FAR1: variants seen among roughly 807,000 people sequenced by gnomAD.
The protein encoded by FAR1 is male sterility domain-containing protein 2.
A neutral mutation model predicts 61.1 loss-of-function variants in FAR1; 22 were observed. That is an observed-to-expected ratio of 0.36 (90% CI 0.26 to 0.51). The LOEUF (loss-of-function observed/expected upper bound fraction) is 0.51. Among genes scored for constraint, FAR1 ranks in the 20% least tolerant of loss-of-function variants. FAR1 has a pLI of 0.95. For missense variants in FAR1, 359 were observed against 626.9 expected, an observed-to-expected ratio of 0.57 and a Z score of 4.56; for synonymous variants, 206 against 209.7, an observed-to-expected ratio of 0.98 and a Z score of 0.15.
intron 9 of FAR1, among the ~76,000 whole-genome samples, chr11:13,719,234 AG>A (rs1848584396): frequency 6.6e-6 from 1 of 152,166 alleles, no homozygotes; most frequent in African/African-American, 2.4e-5. Flanking sequence ...TTCTTAACTG[AG>A]GTTTGTGCTG....
intron 1 of FAR1, among the ~76,000 whole-genome samples, chr11:13,677,668 CAG>C (rs1848081547): frequency 1.3e-5 from 2 of 152,168 alleles, no homozygotes; most frequent in Non-Finnish European, 2.9e-5. Flanking sequence ...ACATCATAGC[CAG>C]AGTGAGGACC....
chr11:13,718,560 G>T (rs924702887), intron 9 of FAR1, among the ~76,000 whole-genome samples: 3 of 152,092 alleles, frequency 2.0e-5, no homozygotes, highest in Non-Finnish European at 4.4e-5. Flanking sequence ...TTTACCACTT[G>T]ACCCTGAAGC....
chr11:13,687,741 T>G (rs1358461061), intron 1 of FAR1, among the ~76,000 whole-genome samples: 1 of 152,140 alleles, frequency 6.6e-6, no homozygotes, highest in Non-Finnish European at 1.5e-5. Context: ...TATTTAGTGC[T>G]TGTCATATAC....
intron 1 of FAR1, among the ~76,000 whole-genome samples, chr11:13,683,414 C>T (rs1001292691): frequency 6.6e-6 from 1 of 151,882 alleles, no homozygotes; most frequent in Non-Finnish European, 1.5e-5. Flanking sequence ...GACAAAGCAG[C>T]ATTGGATATG....
chr11:13,695,079 ACTTAGT>A, intron 2 of FAR1, 125 bp downstream of exon 2: 1 of 766,690 alleles, frequency 1.3e-6, no homozygotes, highest in Non-Finnish European at 1.9e-6. Flanking sequence ...AAACAAAAAA[ACTTAGT>A]AAGTTCCTAC....
chr11:13,699,722 T>C lies in FAR1; in HGVS notation c.190-595T>C, dbSNP rs554150242. 2.6e-5 allele frequency among the ~76,000 whole-genome samples: 4 copies of C among 152,366 alleles called. No individual in the cohort carries two copies. The East Asian group carries it at 5.8e-4, about 22-fold the overall frequency. ...TTGGGTACACTTAAAGAATGTTTAA[T>C]GTTCAGCTTAAATCCTATATATGTA... is the stretch of plus-strand genomic sequence containing the variant. On this transcript the variant is annotated intron_variant, in intron 2 of 11. Transcript: ENST00000354817.
At chr11:13,725,846 G>C (rs140674059) in intron 10 of FAR1, among the ~76,000 whole-genome samples, 2 of 151,344 alleles carry the variant, frequency 1.3e-5, no homozygotes, top group African/African-American at 4.8e-5. Context: ...TAACCCCTAT[G>C]TAATTCCTAT....
rs772250707 is a variant in FAR1 at position 13,690,986 on chromosome 11, A to G, written c.-7-3773A>G. On this transcript the variant is annotated intron_variant, in intron 1 of 11. Transcript: ENST00000354817. ...AATAATTTATTGAGATGAGATTCAC[A>G]TAATATAAAATAACCATTTGTGTCT... 1.5e-4 allele frequency among the ~76,000 whole-genome samples: 23 copies of G among 152,354 alleles called. No individual in the cohort carries two copies. In the South Asian group the frequency reaches 3.5e-3, roughly 23 times the overall value.
In FAR1 at chr11:13,721,757, C is replaced by T. The variant is rs768821829; in HGVS notation, c.1155C>T (p.His385=). 1.2e-6 allele frequency: 2 copies of T among 1,610,764 alleles called. No homozygotes were observed. The highest frequency in any genetic ancestry group is 1.7e-6 in the Non-Finnish European group (2 of 1,178,506). The change falls in exon 10 of 12, where the codon CAC becomes CAT. Residue 385 remains histidine (H), a synonymous_variant. Transcript: ENST00000354817. The surrounding 1 kb of genome is among the most constrained non-coding windows in gnomAD (Gnocchi z 4.2). ...TGATGAAAACAATAACTCGTCTTCA[C>T]AAAGCTATGGTGTTTCTTGAATATT... ...PRMMKTITRL[H]KAMVFLEYFT... is the part of the protein sequence containing the mutation.
intron 9 of FAR1, among the ~76,000 whole-genome samples, chr11:13,717,131 C>T (rs1848565402): frequency 6.6e-6 from 1 of 151,890 alleles, no homozygotes; most frequent in African/African-American, 2.4e-5. Context: ...TTGCTTCTTC[C>T]CCACTCATCC....
At chr11:13,718,411 C>T (rs1373733210) in intron 9 of FAR1, among the ~76,000 whole-genome samples, 2 of 152,182 alleles carry the variant, frequency 1.3e-5, no homozygotes, top group Non-Finnish European at 2.9e-5. Flanking sequence ...TTCCATATAA[C>T]CAGAGGTGAC....
At chr11:13,687,120 AT>A (rs1035839587) in intron 1 of FAR1, among the ~76,000 whole-genome samples, 5 of 151,968 alleles carry the variant, frequency 3.3e-5, no homozygotes, top group East Asian at 1.9e-4. Flanking sequence ...ATATGTGATA[AT>A]TTTTTTTACA....
intron 3 of FAR1, among the ~76,000 whole-genome samples, chr11:13,704,822 A>G (rs1591265199): frequency 6.6e-6 from 1 of 152,186 alleles, no homozygotes; most frequent in Admixed American, 6.5e-5. Flanking sequence ...TTGTGTCAAA[A>G]TGGCCTGGAG....
At chr11:13,707,219 C>T (rs996514804) in intron 3 of FAR1, among the ~76,000 whole-genome samples, 2 of 151,868 alleles carry the variant, frequency 1.3e-5, no homozygotes, top group Non-Finnish European at 2.9e-5. Context: ...TGCATATATA[C>T]TTTTGCTTTT....
intron 1 of FAR1, chr11:13,669,480 G>A (rs530382214): frequency 6.6e-6 from 1 of 152,366 alleles, no homozygotes; most frequent in Non-Finnish European, 1.5e-5. Context: ...TGGACGGGAG[G>A]CTATTGGACT....
At chr11:13,716,648 A>G (rs767062154) in intron 9 of FAR1, among the ~76,000 whole-genome samples, 22 of 152,214 alleles carry the variant, frequency 1.4e-4, no homozygotes, top group Non-Finnish European at 2.4e-4. Context: ...TTAGCAAGTA[A>G]GGTGGAGGCT....
In FAR1 at chr11:13,713,073, T is replaced by G. The variant is rs377568507; in HGVS notation, c.955+40T>G. 2.6e-6 allele frequency: 4 copies of G among 1,562,610 alleles called. No individual in the cohort carries two copies. The African/African-American group carries it at 4.1e-5, about 16-fold the overall frequency. ...GTGTTTTTGAATGTTAGAATAAATC[T>G]TAAAGAACCAAGTTCCCTGAAGTTT... On this transcript the variant is annotated intron_variant, in intron 8 of 11. Transcript: ENST00000354817.
chr11:13,723,344 AAT>A, intron 10 of FAR1: 1 of 398,810 alleles, frequency 2.5e-6, no homozygotes, highest in Non-Finnish European at 4.8e-6. Context: ...CAGCTTGAAC[AAT>A]AGAGTGAGAG....
At chr11:13,676,254 T>C (rs1241504672) in intron 1 of FAR1, among the ~76,000 whole-genome samples, 2 of 152,190 alleles carry the variant, frequency 1.3e-5, no homozygotes, top group African/African-American at 4.8e-5. Context: ...CTGTAGCCAG[T>C]TTAATAAATA....
Sources: gnomAD v4.1 joint callset for allele counts (sites outside exome capture counted in the v4.1 genomes callset) on GRCh38, gnomAD v4.1.1 for gene constraint, Gnocchi (gnomAD v3.1) non-coding constraint, MANE v1.5 for transcripts, NCBI Gene and HGNC (gene_info 2026-07-23, HGNC 2026-07-21) for gene names.